Variants in MYO5A observed in about 807,000 individuals in gnomAD.
MYO5A encodes the protein myosin VA, also known as unconventional myosin-Va.
MYO5A carries 98 observed loss-of-function variants against 249.7 expected under a neutral mutation model. The observed-to-expected ratio is 0.39, with a 90% CI of 0.33 to 0.46. The LOEUF is 0.46. MYO5A is among the 20% of genes least tolerant of loss of function. MYO5A has a pLI of 0.98. For missense variants in MYO5A, 1,696 were observed against 2,308.8 expected (o/e 0.73, Z 5.44); for synonymous variants, 778 against 810.6 (o/e 0.96, Z 0.68).
At chr15:52,378,853 G>A (rs71473002) in intron 18 of MYO5A, among the ~76,000 whole-genome samples, 1 of 152,130 alleles carries the variant, frequency 6.6e-6, no homozygotes, top group Non-Finnish European at 1.5e-5. Flanking sequence ...CCCAACCTCA[G>A]ACCTACTGAA....
At chr15:52,351,221 G>T in intron 28 of MYO5A, 33 bp downstream of exon 28, 1 of 1,567,900 alleles carries the variant, frequency 6.4e-7, no homozygotes, top group South Asian at 1.1e-5. Flanking sequence ...GCCAGTCCCC[G>T]AACACCCAGT....
At chr15:52,390,467 G>A (rs1203664561) in intron 12 of MYO5A, among the ~76,000 whole-genome samples, 1 of 151,328 alleles carries the variant, frequency 6.6e-6, no homozygotes, top group Admixed American at 6.6e-5. Context: ...ACATAGTGAA[G>A]CATTTCTATA....
rs775087648 is a variant in MYO5A, at chr15:52,353,861, T to C, written c.3567+10A>G. On this transcript the variant is annotated intron_variant, in intron 26 of 41. Coordinates refer to ENST00000399233, the MANE Select transcript of MYO5A (RefSeq NM_001382347.1). ...CAGCTTCAGCTCTGCGGATGGGCTG[T>C]GCTGCGCACCTTGGCCTTGCTGCGG... 6.2e-7 allele frequency: 1 copy of C among 1,613,422 alleles called. No homozygotes were observed. The highest frequency in any genetic ancestry group is 1.7e-5 in the Admixed American group (1 of 60,032).
At chr15:52,360,952 A>G (rs1411974096) in intron 24 of MYO5A, among the ~76,000 whole-genome samples, 10 of 152,192 alleles carry the variant, frequency 6.6e-5, no homozygotes, top group Non-Finnish European at 1.5e-4. Context: ...GAGCTTTCTC[A>G]TCTGTCCAGT....
In MYO5A at chr15:52,337,791, G is replaced by C; in HGVS notation, c.4314+19C>G. The C allele has an allele frequency of 2.0e-6, 3 of 1,510,698 alleles. No individual in the cohort carries two copies. The highest frequency in any genetic ancestry group is 4.0e-5 in the Admixed American group (2 of 50,288). 93.6% of individuals were successfully genotyped at this position (1,510,698 alleles called of 1,614,324 possible). On this transcript the variant is annotated intron_variant, in intron 33 of 41. Transcript: ENST00000399233. ...AGTAGCAAGGGAAGACAGCAGAAAA[G>C]CACTATGGTTTTACATACAATCATC...
At chr15:52,516,801 TAGG>T (rs1833725812) in intron 1 of MYO5A, among the ~76,000 whole-genome samples, 1 of 152,292 alleles carries the variant, frequency 6.6e-6, no homozygotes, top group African/African-American at 2.4e-5. Context: ...TTGTTCTAAT[TAGG>T]AGGACATGTC....
chr15:52,421,788 G>A lies in MYO5A; in HGVS notation c.455+4042C>T, dbSNP rs558657232. 5.3e-5 allele frequency among the ~76,000 whole-genome samples: 8 copies of A among 152,260 alleles called. No homozygotes were observed. The East Asian group carries it at 7.7e-4, about 15-fold the overall frequency. ...GCTAGATCATCAGTGACACTGTTCC[G>A]TTTTATAGATGATAAAACGGAGACT... On this transcript the variant is annotated intron_variant, in intron 4 of 41. Transcript: ENST00000399233.
At chr15:52,353,324 T>C (rs181203880) in intron 27 of MYO5A, among the ~76,000 whole-genome samples, 4 of 152,328 alleles carry the variant, frequency 2.6e-5, no homozygotes, top group Admixed American at 2.0e-4. Flanking sequence ...TCATACCCAA[T>C]TGGATTTTTA....
chr15:52,387,276 T>C (rs578054758), intron 14 of MYO5A, among the ~76,000 whole-genome samples: 1 of 152,336 alleles, frequency 6.6e-6, no homozygotes, highest in African/African-American at 2.4e-5. Context: ...GCAGTGTCTC[T>C]AGTACCTATG....
intron 31 of MYO5A, among the ~76,000 whole-genome samples, chr15:52,341,203 G>T (rs1029940623): frequency 1.3e-5 from 2 of 152,092 alleles, no homozygotes; most frequent in Admixed American, 6.5e-5. Context: ...CTCCTATTCT[G>T]AAAGACAGAA....
At chr15:52,445,041 ATCGACACTTCTAGG>A (rs143595769) in intron 1 of MYO5A, among the ~76,000 whole-genome samples, 7,399 of 152,262 alleles carry the variant, frequency 0.049, 216 homozygotes, top group Middle Eastern at 0.11. Context: ...AGCTTTGGGA[ATCGACACTTCTAGG>A]TCTTTTGCTA....
chr15:52,477,484 G>A (rs758839139), intron 1 of MYO5A, among the ~76,000 whole-genome samples: 5 of 152,120 alleles, frequency 3.3e-5, no homozygotes, highest in South Asian at 2.1e-4. Context: ...GAGAAGAGGC[G>A]CTCTGATTTT....
rs530692088 is a variant in MYO5A, at chr15:52,321,597, C to A, written c.4801-88G>T. ...CTCCAATTTGATCAGCATCTTCATG[C>A]TCTTTTCTGCTCTGTCCAAGGAGCT... On this transcript the variant is annotated intron_variant, in intron 37 of 41. Transcript: ENST00000399233. 6.2e-5 allele frequency: 87 copies of A among 1,405,754 alleles called. 2 individuals are homozygous for A. The South Asian group carries it at 1.0e-3, about 16-fold the overall frequency. 87.1% of individuals were successfully genotyped at this position (1,405,754 alleles called of 1,614,324 possible).
intron 19 of MYO5A, 79 bp downstream of exon 19, chr15:52,376,268 G>C: frequency 7.5e-7 from 1 of 1,341,240 alleles, no homozygotes; most frequent in Non-Finnish European, 1.1e-6. Flanking sequence ...TATCTTTTCA[G>C]CTATGGTGAC....
chr15:52,428,593 T>C (rs1302444900), intron 2 of MYO5A, 24 bp from the exon 3 acceptor site: 2 of 1,613,150 alleles, frequency 1.2e-6, no homozygotes, highest in Non-Finnish European at 1.7e-6. Context: ...AGGCACAGCA[T>C]CTGGATGAAT....
At chr15:52,397,969 G>T (rs1162599842) in intron 9 of MYO5A, among the ~76,000 whole-genome samples, 1 of 152,196 alleles carries the variant, frequency 6.6e-6, no homozygotes, top group Non-Finnish European at 1.5e-5. Context: ...GGAAGGAGGA[G>T]ACAGTTGCCT....
chr15:52,479,023 T>G (rs939760408), intron 1 of MYO5A, among the ~76,000 whole-genome samples: 1 of 151,862 alleles, frequency 6.6e-6, no homozygotes, highest in Non-Finnish European at 1.5e-5. Context: ...TAAGATGGAG[T>G]CTCGCTCTGT....
chr15:52,417,657 A>C (rs1368740363), intron 4 of MYO5A, among the ~76,000 whole-genome samples: 2 of 152,106 alleles, frequency 1.3e-5, no homozygotes, highest in Admixed American at 6.6e-5. Flanking sequence ...TCCCCTCAGG[A>C]ATGGATTAAT....
intron 16 of MYO5A, among the ~76,000 whole-genome samples, chr15:52,380,456 C>G (rs2041678985): frequency 6.6e-6 from 1 of 150,928 alleles, no homozygotes; most frequent in Non-Finnish European, 1.5e-5. Context: ...AAAAGAAAGT[C>G]CACTGAGCAC....
Sources: allele counts gnomAD v4.1 joint callset (sites outside exome capture counted in the v4.1 genomes callset), GRCh38; gene constraint gnomAD v4.1.1; transcripts MANE v1.5; gene names NCBI Gene and HGNC (gene_info 2026-07-23, HGNC 2026-07-21).